The following DRC8 variants were observed in gnomAD, a reference collection of about 807,000 sequenced individuals.
DRC8 encodes dynein regulatory complex subunit 8, also known as dynein regulatory complex protein 8.
the DRC8 span, among the ~76,000 whole-genome samples, chr1:244,973,447 T>A: frequency 6.6e-6 from 1 of 152,234 alleles, no homozygotes; most frequent in South Asian, 2.1e-4. Context: ...CAATAAATAT[T>A]TGTTGAATTC....
chr1:245,025,408 T>G, the DRC8 span, among the ~76,000 whole-genome samples: 2 of 152,130 alleles, frequency 1.3e-5, no homozygotes, highest in African/African-American at 4.8e-5. Context: ...TCTATAAAAT[T>G]GAAATAAAAA....
the DRC8 span, among the ~76,000 whole-genome samples, chr1:245,120,879 G>A: frequency 1.3e-5 from 2 of 152,242 alleles, no homozygotes; most frequent in Non-Finnish European, 2.9e-5. Context: ...GGCCCACTTT[G>A]CCTTGCAGGC....
At chr1:245,047,302 G>A in the DRC8 span, among the ~76,000 whole-genome samples, 596 of 152,256 alleles carry the variant, frequency 3.9e-3, 5 homozygotes, top group African/African-American at 0.014. Flanking sequence ...ATTATCTACT[G>A]TATTCTTACA....
chr1:245,008,733 A>G, the DRC8 span, among the ~76,000 whole-genome samples: 1 of 145,266 alleles, frequency 6.9e-6, no homozygotes, highest in South Asian at 2.1e-4. Flanking sequence ...CAGTGGTGCT[A>G]TCATAGCTCA....
At chr1:245,104,919 C>G in the DRC8 span, among the ~76,000 whole-genome samples, 1 of 152,142 alleles carries the variant, frequency 6.6e-6, no homozygotes, top group Non-Finnish European at 1.5e-5. Context: ...TTGGTTGATG[C>G]GTATCTAAAT....
the DRC8 span, among the ~76,000 whole-genome samples, chr1:245,049,920 C>T: frequency 9.2e-5 from 14 of 152,202 alleles, no homozygotes; most frequent in Non-Finnish European, 1.3e-4. This position sits in a 1 kb window ranked among gnomAD's most constrained non-coding sequence, Gnocchi z 4.5. Context: ...TTTTCCTCAT[C>T]TGTAAAATAG....
the DRC8 span, among the ~76,000 whole-genome samples, chr1:245,006,093 G>A: frequency 1.3e-5 from 2 of 152,160 alleles, no homozygotes; most frequent in Non-Finnish European, 2.9e-5. Flanking sequence ...GGCTTTGTGC[G>A]CCTGGTTAAG....
the DRC8 span, among the ~76,000 whole-genome samples, chr1:245,117,840 G>A: frequency 1.3e-5 from 2 of 152,022 alleles, no homozygotes; most frequent in Non-Finnish European, 2.9e-5. Flanking sequence ...GTGGTGGTGT[G>A]CACCTGTAGT....
chr1:245,107,625 C>T, the DRC8 span, among the ~76,000 whole-genome samples: 2 of 152,310 alleles, frequency 1.3e-5, no homozygotes, highest in South Asian at 2.1e-4. Flanking sequence ...CTGACGCAGC[C>T]TCCCAGGGCT....
chr1:245,112,757 T>C, the DRC8 span, among the ~76,000 whole-genome samples: 11 of 141,062 alleles, frequency 7.8e-5, no homozygotes, highest in Admixed American at 1.4e-4. Flanking sequence ...TCATGTTACC[T>C]TTTTTTTTTT....
the DRC8 span, chr1:244,971,195 G>C: frequency 6.6e-6 from 1 of 151,460 alleles, no homozygotes; most frequent in Non-Finnish European, 1.5e-5. Context: ...TTGGCCTAGT[G>C]TCTTGTCTTA....
chr1:244,988,232 G>A, the DRC8 span, among the ~76,000 whole-genome samples: 4 of 151,964 alleles, frequency 2.6e-5, no homozygotes, highest in Non-Finnish European at 5.9e-5. Context: ...GCCTAGGCTG[G>A]CCTTGAACTC....
At chr1:245,017,339 T>A in the DRC8 span, 3 of 1,447,712 alleles carry the variant, frequency 2.1e-6, no homozygotes, top group South Asian at 1.4e-5. Context: ...GTGGAAATAT[T>A]TTTTTTTTTG....
At chr1:244,980,218 CA>C in the DRC8 span, among the ~76,000 whole-genome samples, 717 of 64,956 alleles carry the variant, frequency 0.011, 2 homozygotes, top group African/African-American at 0.033. Flanking sequence ...GACTCCGTCT[CA>C]AAAAAAAAAA....
At chr1:245,002,395 A>G in the DRC8 span, among the ~76,000 whole-genome samples, 1 of 152,202 alleles carries the variant, frequency 6.6e-6, no homozygotes, top group Admixed American at 6.5e-5. Context: ...TGTCCTTAAA[A>G]TAAAATCCAA....
chr1:245,030,811 C>T, the DRC8 span: 16 of 152,438 alleles, frequency 1.0e-4, no homozygotes, highest in African/African-American at 3.4e-4. Context: ...GTATGTCTTG[C>T]TTTAAAACTC....
chr1:245,090,693 T>G, the DRC8 span, among the ~76,000 whole-genome samples: 1 of 152,070 alleles, frequency 6.6e-6, no homozygotes, highest in Non-Finnish European at 1.5e-5. Flanking sequence ...CGTTTTTTTT[T>G]TTTGGTCAGC....
chr1:245,080,689 T>C, the DRC8 span, among the ~76,000 whole-genome samples: 30 of 152,212 alleles, frequency 2.0e-4, no homozygotes, highest in Admixed American at 2.0e-4. Context: ...CATTTCTCTC[T>C]CCATGGCCGC....
the DRC8 span, among the ~76,000 whole-genome samples, chr1:245,051,449 T>TGGGGGTAGGGGACAGTAAG: frequency 2.2e-4 from 33 of 151,660 alleles, no homozygotes; most frequent in African/African-American, 8.0e-4. Flanking sequence ...GCCAGAAGCT[T>TGGGGGTAGGGGACAGTAAG]GGGGGTAGGG....
Sources: gnomAD v4.1 joint callset for allele counts (sites outside exome capture counted in the v4.1 genomes callset) on GRCh38, gnomAD v4.1.1 for gene constraint, Gnocchi (gnomAD v3.1) non-coding constraint, MANE v1.5 for transcripts, NCBI Gene and HGNC (gene_info 2026-07-23, HGNC 2026-07-21) for gene names.